The following IL4R variants were observed in gnomAD, a reference collection of about 807,000 sequenced individuals.
The protein encoded by IL4R is interleukin-4 receptor subunit alpha.
In IL4R, 17 loss-of-function variants were observed where a neutral mutation model predicts 41.5. The ratio of observed to expected loss-of-function variants is 0.41; its 90% CI spans 0.28 to 0.61. IL4R has a LOEUF of 0.61. Among genes scored for constraint, IL4R ranks in the 20% least tolerant of loss-of-function variants. The probability of loss-of-function intolerance (pLI) is 0.31; values close to 1 mark genes in which losing one functional copy is unlikely to be tolerated. For missense variants in IL4R, 974 were observed against 1,043.1 expected, an observed-to-expected ratio of 0.93 and a Z score of 0.91; for synonymous variants, 402 against 422.9, an observed-to-expected ratio of 0.95 and a Z score of 0.61.
At chr16:27,349,566 G>A (rs1380012036) in intron 6 of IL4R, among the ~76,000 whole-genome samples, 2 of 152,220 alleles carry the variant, frequency 1.3e-5, no homozygotes, top group Admixed American at 6.5e-5. Context: ...TTCATGGAAT[G>A]TTTGAGGATT....
At chr16:27,332,838 C>T (rs117812373) in intron 2 of IL4R, among the ~76,000 whole-genome samples, 57 of 152,046 alleles carry the variant, frequency 3.7e-4, no homozygotes, top group East Asian at 1.9e-3. Context: ...GCTTTTGCTA[C>T]GTCTCACCGA....
At chr16:27,335,027 C>T (rs1467613492) in intron 2 of IL4R, among the ~76,000 whole-genome samples, 2 of 152,140 alleles carry the variant, frequency 1.3e-5, no homozygotes, top group African/African-American at 2.4e-5. Context: ...TTGTCCTTTG[C>T]ACCCCTGGCA....
intron 1 of IL4R, among the ~76,000 whole-genome samples, chr16:27,323,189 C>T (rs2084862927): frequency 6.6e-6 from 1 of 152,148 alleles, no homozygotes; most frequent in Non-Finnish European, 1.5e-5. Flanking sequence ...TTGGGTTTGC[C>T]CAGGGGGCAA....
chr16:27,321,617 T>G (rs2084813926), intron 1 of IL4R, among the ~76,000 whole-genome samples: 1 of 152,236 alleles, frequency 6.6e-6, no homozygotes, highest in African/African-American at 2.4e-5. Flanking sequence ...CTGCTGTTAA[T>G]CCAAGTTTCT....
intron 4 of IL4R, 90 bp downstream of exon 4, chr16:27,342,349 T>C: frequency 6.8e-7 from 1 of 1,477,868 alleles, no homozygotes; most frequent in Non-Finnish European, 9.4e-7. Flanking sequence ...TGCGCTGGAG[T>C]GCAGGATGCT....
At chr16:27,337,525 A>G in intron 2 of IL4R, among the ~76,000 whole-genome samples, 1 of 151,868 alleles carries the variant, frequency 6.6e-6, no homozygotes, top group East Asian at 1.9e-4. Context: ...GGCACTTGAA[A>G]TGTTGCAGGG....
intron 1 of IL4R, 77 bp downstream of exon 1, chr16:27,314,097 G>A (rs1185992066): frequency 2.0e-6 from 2 of 984,998 alleles, no homozygotes; most frequent in Non-Finnish European, 2.4e-6. Context: ...GTTCGGGAAG[G>A]GCTCGGCCGC....
At chr16:27,343,878 A>G (rs1357984022) in intron 4 of IL4R, among the ~76,000 whole-genome samples, 1 of 152,070 alleles carries the variant, frequency 6.6e-6, no homozygotes, top group Non-Finnish European at 1.5e-5. Flanking sequence ...AGGGTGGGAG[A>G]GGGGTGAAGG....
chr16:27,358,069 T>C (rs1397937212), intron 8 of IL4R, among the ~76,000 whole-genome samples: 1 of 152,002 alleles, frequency 6.6e-6, no homozygotes, highest in Non-Finnish European at 1.5e-5. Flanking sequence ...AAGTTTTGCA[T>C]TTTTAGTAGA....
chr16:27,335,517 A>G (rs1229416084), intron 2 of IL4R, among the ~76,000 whole-genome samples: 2 of 152,010 alleles, frequency 1.3e-5, no homozygotes, highest in Non-Finnish European at 2.9e-5. Flanking sequence ...ACAGGCACAC[A>G]CCACACTGCA....
intron 1 of IL4R, among the ~76,000 whole-genome samples, chr16:27,324,909 G>A (rs1437985975): frequency 6.6e-6 from 1 of 151,984 alleles, no homozygotes; most frequent in African/African-American, 2.4e-5. Flanking sequence ...CTTTCCCTCT[G>A]TCCCCGCTCT....
chr16:27,333,609 T>G (rs2085172671), intron 2 of IL4R, among the ~76,000 whole-genome samples: 1 of 150,616 alleles, frequency 6.6e-6, no homozygotes, highest in Non-Finnish European at 1.5e-5. Flanking sequence ...GAGGTAATAC[T>G]TCTAAAGCAC....
intron 2 of IL4R, among the ~76,000 whole-genome samples, chr16:27,336,676 CAAAAA>C (rs67336687): frequency 4.4e-5 from 3 of 68,316 alleles, no homozygotes; most frequent in Non-Finnish European, 6.0e-5. Flanking sequence ...AACTCTGTCT[CAAAAA>C]AAAAAAAAAA....
rs189620005 is a variant in IL4R at position 27,326,563 on chromosome 16, G to A, written c.-151-3503G>A. Among the ~76,000 whole-genome samples the A allele has an allele frequency of 3.2e-4, 49 of 152,280 alleles. No homozygotes were observed. The East Asian group carries it at 7.3e-3, about 23-fold the overall frequency. Reference sequence around the variant, plus strand: ...TGCCTGTAGTCACAACTACTTGGGAGGCTAAGGCAGGAGGATCACTTGAGC... The same window carrying A: ...TGCCTGTAGTCACAACTACTTGGGAAGCTAAGGCAGGAGGATCACTTGAGC... On this transcript the variant is annotated intron_variant, in intron 1 of 10. Coordinates refer to ENST00000395762, the MANE Select transcript of IL4R (RefSeq NM_000418.4).
At chr16:27,335,299 T>C (rs1270069671) in intron 2 of IL4R, among the ~76,000 whole-genome samples, 1 of 152,166 alleles carries the variant, frequency 6.6e-6, no homozygotes, top group Non-Finnish European at 1.5e-5. Flanking sequence ...CATTAGTTAA[T>C]ATACAATACA....
intron 6 of IL4R, among the ~76,000 whole-genome samples, chr16:27,349,896 C>A (rs2085802561): frequency 6.6e-6 from 1 of 152,176 alleles, no homozygotes; most frequent in Non-Finnish European, 1.5e-5. Context: ...ACTACAGGCA[C>A]AGGCCACCAC....
Position 27,349,291 on chromosome 16 carries a change from A to T in IL4R, c.513+2673A>T, listed in dbSNP as rs571352421. On this transcript the variant is annotated intron_variant, in intron 6 of 10. Transcript: ENST00000395762. ...AAAAGCTGGGCGGGTGTCCACCTGC[A>T]TCTGCCACAGCACTATAGGCACCAA... is the stretch of plus-strand genomic sequence containing the variant. 1.4e-4 allele frequency among the ~76,000 whole-genome samples: 22 copies of T among 152,374 alleles called. No individual in the cohort carries two copies. In the South Asian group the frequency reaches 4.6e-3, roughly 32 times the overall value.
Position 27,345,438 on chromosome 16 carries a change from G to A in IL4R, c.361+418G>A. 2.9e-6 allele frequency: 1 copy of A among 346,070 alleles called. No individual in the cohort carries two copies. 21.4% of individuals were successfully genotyped at this position (346,070 alleles called of 1,614,324 possible). A position where few individuals can be genotyped will look rare whatever the true frequency, so the allele number is the denominator to read the frequency against. ...CCTTCTTCTGGTACCCGGAGTCCCT[G>A]CAGGAATCCCCCTTGAGCTTGCTGG... On this transcript the variant is annotated intron_variant, in intron 5 of 10. Coordinates refer to ENST00000395762, the MANE Select transcript of IL4R (RefSeq NM_000418.4). This position sits in a 1 kb window ranked among gnomAD's most constrained non-coding sequence, Gnocchi z 4.5.
At chr16:27,342,394 G>T in intron 4 of IL4R, 135 bp downstream of exon 4, 5 of 1,068,114 alleles carry the variant, frequency 4.7e-6, no homozygotes, top group Non-Finnish European at 6.9e-6. Flanking sequence ...TGGTGTTAGA[G>T]GGGAGGTCCC....
Sources: gnomAD v4.1 joint callset for allele counts (sites outside exome capture counted in the v4.1 genomes callset) on GRCh38, gnomAD v4.1.1 for gene constraint, Gnocchi (gnomAD v3.1) non-coding constraint, MANE v1.5 for transcripts, NCBI Gene and HGNC (gene_info 2026-07-23, HGNC 2026-07-21) for gene names.